The following TIAM2 variants were observed in gnomAD, a reference collection of about 807,000 sequenced individuals.
The protein encoded by TIAM2 is TIAM Rac1 associated GEF 2, also known as rho guanine nucleotide exchange factor TIAM2.
TIAM2 carries 80 observed loss-of-function variants against 152.9 expected under a neutral mutation model. The ratio of observed to expected loss-of-function variants is 0.52; its 90% CI spans 0.44 to 0.63. TIAM2 has a LOEUF of 0.63. Ranked by LOEUF, TIAM2 falls within the 30% of genes least tolerant of loss-of-function variation. The pLI, the probability that TIAM2 is intolerant of heterozygous loss-of-function variation, is 0.00. For missense variants in TIAM2, 1,965 were observed against 2,120.1 expected, an observed-to-expected ratio of 0.93 and a Z score of 1.44; for synonymous variants, 804 against 838.0, an observed-to-expected ratio of 0.96 and a Z score of 0.70.
At chr6:155,217,604 A>T (rs902679569) in intron 15 of TIAM2, among the ~76,000 whole-genome samples, 2 of 152,196 alleles carry the variant, frequency 1.3e-5, no homozygotes, top group African/African-American at 2.4e-5. Flanking sequence ...AGAGTTTTTA[A>T]TTTAGTTATT....
rs1056454659 is a variant in TIAM2, at chr6:155,214,564, A to T, written c.3168+3257A>T. Among the ~76,000 whole-genome samples the T allele has an allele frequency of 6.6e-6, 1 of 151,978 alleles. No homozygotes were observed. The highest frequency in any genetic ancestry group is 2.4e-5 in the African/African-American group (1 of 41,350). ...CTCCTCCCTCTCCTCCTCATTCCTC[A>T]TGCAAAGCAAATGCTCAGCTGCCTT... is the stretch of plus-strand genomic sequence containing the variant. On this transcript the variant is annotated intron_variant, in intron 15 of 26. Transcript: ENST00000682666. This position sits in a 1 kb window ranked among gnomAD's most constrained non-coding sequence, Gnocchi z 5.4.
chr6:155,070,998 C>T (rs957968779), intron 1 of TIAM2, among the ~76,000 whole-genome samples: 15 of 152,182 alleles, frequency 9.9e-5, no homozygotes, highest in African/African-American at 3.4e-4. Flanking sequence ...ATGGCAAAAC[C>T]CTGTCTCTAC....
intron 15 of TIAM2, among the ~76,000 whole-genome samples, chr6:155,236,812 A>G (rs892032586): frequency 6.6e-6 from 1 of 152,214 alleles, no homozygotes; most frequent in Non-Finnish European, 1.5e-5. Flanking sequence ...GCCCACCCCC[A>G]TGATTCAATC....
chr6:155,029,985 G>T (rs192372275), intron 1 of TIAM2, among the ~76,000 whole-genome samples: 1 of 151,692 alleles, frequency 6.6e-6, no homozygotes, highest in East Asian at 1.9e-4. Flanking sequence ...TAGAGATGGG[G>T]GTCTCACCAT....
rs1778199607 is a variant in TIAM2 at position 154,995,651 on chromosome 6, G to A, written c.-209+159G>A. Among the ~76,000 whole-genome samples, 1 of 151,980 alleles carries A rather than the reference G, an allele frequency of 6.6e-6. No individual in the cohort carries two copies. Among genetic ancestry groups the A allele is most frequent in the African/African-American group, 2.4e-5 (1 of 41,424 alleles). On this transcript the variant is annotated intron_variant, in intron 1 of 26. Transcript: ENST00000682666. This position sits in a 1 kb window ranked among gnomAD's most constrained non-coding sequence, Gnocchi z 5.2. ...GCCCCCGCTTTCCTGGGAGTCCCGC[G>A]GAAGGTCGCGGCTGCGGGGCGCGGC...
intron 1 of TIAM2, among the ~76,000 whole-genome samples, chr6:155,029,526 TATAGATAATAA>T (rs1776770915): frequency 5.0e-5 from 1 of 20,160 alleles, no homozygotes; most frequent in African/African-American, 2.0e-4. Context: ...TATATTATAG[TATAGATAATAA>T]TATATATTAT....
At chr6:155,111,145 C>T (rs1778837236) in intron 2 of TIAM2, among the ~76,000 whole-genome samples, 1 of 152,038 alleles carries the variant, frequency 6.6e-6, no homozygotes, top group Admixed American at 6.6e-5. Context: ...TCGAGTTACC[C>T]TTGGCCACCC....
intron 14 of TIAM2, among the ~76,000 whole-genome samples, chr6:155,205,967 G>A (rs1004341706): frequency 6.6e-6 from 1 of 152,170 alleles, no homozygotes; most frequent in African/African-American, 2.4e-5. Context: ...AATATTTCCT[G>A]ATATTTCTGT....
intron 19 of TIAM2, among the ~76,000 whole-genome samples, chr6:155,247,552 T>A (rs1428904593): frequency 6.6e-6 from 1 of 152,200 alleles, no homozygotes. Flanking sequence ...GGTCTCGAAC[T>A]CGTGACCTCA....
chr6:155,257,378 C>T lies in TIAM2; in HGVS notation c.*257C>T, dbSNP rs1415541390. 6.9e-6 allele frequency: 3 copies of T among 434,514 alleles called. No homozygotes were observed. The highest frequency in any genetic ancestry group is 6.2e-5 in the African/African-American group (3 of 48,224). 26.9% of individuals were successfully genotyped at this position (434,514 alleles called of 1,614,324 possible). A position where few individuals can be genotyped will look rare whatever the true frequency, so the allele number is the denominator to read the frequency against. On this transcript the variant is annotated 3_prime_UTR_variant, in exon 27 of 27. Coordinates refer to ENST00000682666, the MANE Select transcript of TIAM2 (RefSeq NM_012454.4). The stretch of plus-strand genomic sequence containing the variant: ...AGCAGGTATCAAATGATTTAGGATC[C>T]TTAAAATTACATTCTAATAATTAAG...
chr6:155,215,118 C>T (rs1781820983), intron 15 of TIAM2, among the ~76,000 whole-genome samples: 1 of 152,194 alleles, frequency 6.6e-6, no homozygotes, highest in African/African-American at 2.4e-5. Flanking sequence ...TTGAGTTACA[C>T]ATCAGAGCTC....
Position 154,995,450 on chromosome 6 carries a change from GCGGCGCGCGACCGGCCCCACCGAGCC to G in TIAM2, c.-238_-213del, listed in dbSNP as rs1778196248. The G allele has an allele frequency of 6.6e-6, 1 of 151,032 alleles. No individual in the cohort carries two copies. The highest frequency in any genetic ancestry group is 1.5e-5 in the Non-Finnish European group (1 of 67,618). The allele number at this position is 151,032 out of a possible 1,614,324, so 9.4% of individuals were successfully genotyped here. On this transcript the variant is annotated 5_prime_UTR_variant, in exon 1 of 27. Transcript: ENST00000682666. This position sits in a 1 kb window ranked among gnomAD's most constrained non-coding sequence, Gnocchi z 5.2. Reference sequence around the variant, plus strand: ...GGCCACGCGCCGAGGGTAGCGGAGGGCGGCGCGCGACCGGCCCCACCGAGCCCGGCGCGCGACCCGAGGTAAGGGGC... The same window carrying G: ...GGCCACGCGCCGAGGGTAGCGGAGGGCGGCGCGCGACCCGAGGTAAGGGGC...
At position 155,087,402 on chromosome 6, in the gene TIAM2, T is replaced by C. The variant is rs545332560; in HGVS notation, c.-208-2887T>C. The stretch of plus-strand genomic sequence containing the variant: ...TTTTAAAGATTGTCAGTATGATGTA[T>C]TTAGACAGAGCCTAGTGAAGCTTGA... On this transcript the variant is annotated intron_variant, in intron 1 of 26. Coordinates refer to ENST00000682666, the MANE Select transcript of TIAM2 (RefSeq NM_012454.4). Among the ~76,000 whole-genome samples the C allele has an allele frequency of 3.3e-5, 5 of 152,344 alleles. No homozygotes were observed. In the South Asian group the frequency reaches 8.3e-4, roughly 25 times the overall value.
intron 15 of TIAM2, among the ~76,000 whole-genome samples, chr6:155,227,735 G>T (rs1309765934): frequency 3.3e-5 from 5 of 152,154 alleles, no homozygotes; most frequent in Non-Finnish European, 7.3e-5. Flanking sequence ...TACAAAGTTG[G>T]TTACACCCCC....
At chr6:155,055,691 G>A (rs993073587) in intron 1 of TIAM2, among the ~76,000 whole-genome samples, 2 of 152,192 alleles carry the variant, frequency 1.3e-5, no homozygotes, top group Admixed American at 6.5e-5. Flanking sequence ...GCCAGGTGTG[G>A]TGGGTCACGT....
intron 5 of TIAM2, among the ~76,000 whole-genome samples, chr6:155,138,550 A>G (rs769619090): frequency 5.3e-5 from 8 of 151,892 alleles, no homozygotes; most frequent in Non-Finnish European, 1.2e-4. Flanking sequence ...CTCGTCATTT[A>G]CATTAGGTAT....
chr6:155,085,338 T>C (rs1053794780), intron 1 of TIAM2, among the ~76,000 whole-genome samples: 9 of 152,248 alleles, frequency 5.9e-5, no homozygotes, highest in South Asian at 2.1e-4. Flanking sequence ...TACGTAGAGG[T>C]GGGAGGCATG....
chr6:155,221,693 G>A lies in TIAM2; in HGVS notation c.3168+10386G>A, dbSNP rs547388915. ...CCCCTTTAATTTTGTCCACCTGGAT[G>A]ACAGTGAAGATGGGGTTGAACGGCA... On this transcript the variant is annotated intron_variant, in intron 15 of 26. Transcript: ENST00000682666. 7.9e-5 allele frequency among the ~76,000 whole-genome samples: 12 copies of A among 152,260 alleles called. No individual in the cohort carries two copies. The South Asian group carries it at 1.9e-3, about 24-fold the overall frequency.
chr6:155,029,328 C>CAT (rs1776739576), intron 1 of TIAM2, among the ~76,000 whole-genome samples: 1 of 106,722 alleles, frequency 9.4e-6, no homozygotes, highest in African/African-American at 3.5e-5. Context: ...ACTATATGTA[C>CAT]TATGTGTTAT....
Sources: gnomAD v4.1 joint callset for allele counts (sites outside exome capture counted in the v4.1 genomes callset) on GRCh38, gnomAD v4.1.1 for gene constraint, Gnocchi (gnomAD v3.1) non-coding constraint, MANE v1.5 for transcripts, NCBI Gene and HGNC (gene_info 2026-07-23, HGNC 2026-07-21) for gene names.